The following COTL1 variants were observed in gnomAD, a reference collection of about 807,000 sequenced individuals.
COTL1 encodes coactosin-like protein.
Under a neutral mutation model 16.5 loss-of-function variants are expected in COTL1, and 15 were observed. The observed-to-expected ratio is 0.91, with a 90% CI of 0.61 to 1.40. COTL1 has a LOEUF of 1.40. Among genes scored for constraint, COTL1 ranks in the 40% most tolerant of loss-of-function variants. The pLI is 0.00. For synonymous variants in COTL1, 112 were observed against 85.3 expected, an observed-to-expected ratio of 1.31 and a Z score of -1.73; for missense variants, 220 against 201.5, an observed-to-expected ratio of 1.09 and a Z score of -0.56.
intron 2 of COTL1, among the ~76,000 whole-genome samples, chr16:84,615,539 A>G (rs1172859282): frequency 6.6e-6 from 1 of 152,128 alleles, no homozygotes; most frequent in Non-Finnish European, 1.5e-5. Flanking sequence ...GGGATGGGTG[A>G]CCAGCGGGAG....
chr16:84,613,677 C>G (rs1905392601), intron 2 of COTL1, among the ~76,000 whole-genome samples: 1 of 152,172 alleles, frequency 6.6e-6, no homozygotes, highest in East Asian at 1.9e-4. Context: ...GGATACCAGA[C>G]AAGGAAGATT....
chr16:84,617,438 G>T, intron 2 of COTL1, 63 bp downstream of exon 2: 1 of 1,470,678 alleles, frequency 6.8e-7, no homozygotes, highest in Non-Finnish European at 9.3e-7. Flanking sequence ...TCTGGCCGGG[G>T]CTCCCCGGGT....
intron 2 of COTL1, among the ~76,000 whole-genome samples, chr16:84,605,604 G>T (rs2150694913): frequency 6.6e-6 from 1 of 152,336 alleles, no homozygotes; most frequent in South Asian, 2.1e-4. Context: ...CAGAGAGCTG[G>T]CATCATGAGG....
Position 84,604,401 on chromosome 16 carries a change from A to G in COTL1, c.160+13100T>C, listed in dbSNP as rs943556297. 9.7e-5 allele frequency among the ~76,000 whole-genome samples: 12 copies of G among 124,270 alleles called. No individual in the cohort carries two copies. The Admixed American group carries it at 9.9e-4, about 10-fold the overall frequency. The allele number at this position is 124,270 out of a possible 152,430, so 81.5% of individuals were successfully genotyped here. A position where few individuals can be genotyped will look rare whatever the true frequency, so the allele number is the denominator to read the frequency against. On this transcript the variant is annotated intron_variant, in intron 2 of 3. Coordinates refer to ENST00000262428, the MANE Select transcript of COTL1 (RefSeq NM_021149.5). ...GGAGCCTCATCCTCCTTTTTTCTTT[A>G]TGCTTTTTCATCCTAAGATATTATT...
At chr16:84,570,399 G>T (rs188890951) in intron 3 of COTL1, among the ~76,000 whole-genome samples, 2 of 151,242 alleles carry the variant, frequency 1.3e-5, no homozygotes, top group Non-Finnish European at 2.9e-5. Flanking sequence ...ACAAAAACAA[G>T]CAAAACAGAC....
intron 2 of COTL1, among the ~76,000 whole-genome samples, chr16:84,613,360 C>G (rs1332299524): frequency 6.6e-6 from 1 of 152,154 alleles, no homozygotes; most frequent in East Asian, 1.9e-4. Flanking sequence ...TCACACTAAG[C>G]TAGGTGGGTG....
intron 3 of COTL1, among the ~76,000 whole-genome samples, chr16:84,577,316 C>G (rs138401084): frequency 1.2e-4 from 18 of 152,324 alleles, no homozygotes; most frequent in Non-Finnish European, 1.9e-4. Flanking sequence ...ACCATCTCGG[C>G]TCACTGCAAC....
At chr16:84,580,776 G>A (rs1185444736) in intron 3 of COTL1, among the ~76,000 whole-genome samples, 2 of 152,154 alleles carry the variant, frequency 1.3e-5, no homozygotes, top group African/African-American at 2.4e-5. Context: ...CTCCATATAC[G>A]ATACCTGATC....
chr16:84,615,527 G>A (rs569212499), intron 2 of COTL1, among the ~76,000 whole-genome samples: 42 of 152,320 alleles, frequency 2.8e-4, no homozygotes, highest in African/African-American at 8.2e-4. Flanking sequence ...TGGGGGAAGG[G>A]AGGGATGGGT....
In COTL1 at chr16:84,566,842, G is replaced by C. The variant is rs1435669407; in HGVS notation, c.*3C>G. 1.2e-6 allele frequency: 2 copies of C among 1,602,996 alleles called. No individual in the cohort carries two copies. Among genetic ancestry groups the C allele is most frequent in the South Asian group, 1.1e-5 (1 of 90,256 alleles). ...GCAAGGGGTGGTGTGGCGGGGGCTG[G>C]GGTTACTCCGTCTGGGCGTCGTAAT... On this transcript the variant is annotated 3_prime_UTR_variant, in exon 4 of 4. Transcript: ENST00000262428.
intron 2 of COTL1, among the ~76,000 whole-genome samples, chr16:84,598,428 A>C (rs1311859676): frequency 6.6e-6 from 1 of 152,106 alleles, no homozygotes; most frequent in Non-Finnish European, 1.5e-5. Flanking sequence ...GCCTTCATTT[A>C]CTAAGTAAGT....
At chr16:84,606,951 G>A (rs1044431834) in intron 2 of COTL1, among the ~76,000 whole-genome samples, 1 of 152,164 alleles carries the variant, frequency 6.6e-6, no homozygotes, top group Non-Finnish European at 1.5e-5. Context: ...CAAAGGAGTG[G>A]ACAGCCAGCA....
chr16:84,593,099 T>G (rs568587188), intron 2 of COTL1, among the ~76,000 whole-genome samples: 3 of 152,314 alleles, frequency 2.0e-5, no homozygotes, highest in African/African-American at 7.2e-5. Context: ...CCTTCATTGA[T>G]AAGGGCTGGA....
intron 3 of COTL1, among the ~76,000 whole-genome samples, chr16:84,589,904 C>G (rs1430550880): frequency 1.3e-5 from 2 of 152,178 alleles, no homozygotes; most frequent in African/African-American, 4.8e-5. Context: ...ATCGTAAACA[C>G]AGTTAACTCC....
At chr16:84,588,076 T>C (rs1904776596) in intron 3 of COTL1, among the ~76,000 whole-genome samples, 1 of 152,118 alleles carries the variant, frequency 6.6e-6, no homozygotes, top group African/African-American at 2.4e-5. Context: ...CTGGCCATAT[T>C]GTTATTTTTT....
At chr16:84,591,473 C>T (rs1904861010) in intron 2 of COTL1, among the ~76,000 whole-genome samples, 2 of 146,410 alleles carry the variant, frequency 1.4e-5, no homozygotes, top group Admixed American at 6.9e-5. Flanking sequence ...CGTGAGCCAC[C>T]GCGCCCAGCC....
intron 2 of COTL1, among the ~76,000 whole-genome samples, chr16:84,603,732 C>T (rs999474278): frequency 1.3e-5 from 2 of 152,032 alleles, no homozygotes; most frequent in African/African-American, 4.8e-5. Context: ...CTGCTCAGGG[C>T]CTGTGGGGTT....
intron 2 of COTL1, chr16:84,596,587 C>G (rs541140481): frequency 6.6e-5 from 10 of 152,448 alleles, no homozygotes; most frequent in African/African-American, 2.4e-4. Flanking sequence ...GGTGGCGTTT[C>G]ACGCCATTAT....
rs568475601 is a variant in COTL1, at chr16:84,597,507, C to T, written c.161-7245G>A. 3.3e-5 allele frequency among the ~76,000 whole-genome samples: 5 copies of T among 152,298 alleles called. No homozygotes were observed. The East Asian group carries it at 9.6e-4, about 29-fold the overall frequency. The stretch of plus-strand genomic sequence containing the variant: ...CGGGAACTTATTAGAAATGTGGGTA[C>T]TCAGGCTCCACTCAGCCCTACTGAT... On this transcript the variant is annotated intron_variant, in intron 2 of 3. Transcript: ENST00000262428.
Sources: gnomAD v4.1 joint callset for allele counts (sites outside exome capture counted in the v4.1 genomes callset) on GRCh38, gnomAD v4.1.1 for gene constraint, MANE v1.5 for transcripts, NCBI Gene and HGNC (gene_info 2026-07-23, HGNC 2026-07-21) for gene names.